MYBPC2: variants seen among roughly 807,000 people sequenced by gnomAD.
The protein encoded by MYBPC2 is myosin binding protein C2.
MYBPC2 carries 122 observed loss-of-function variants against 137.0 expected under a neutral mutation model. The ratio of observed to expected loss-of-function variants is 0.89; its 90% confidence interval spans 0.77 to 1.03. The LOEUF is 1.03. MYBPC2 is among the 50% of genes least tolerant of loss of function. The pLI, the probability that MYBPC2 is intolerant of heterozygous loss-of-function variation, is 0.00. For missense variants in MYBPC2, 1,500 were observed against 1,534.4 expected (o/e 0.98, Z 0.37); for synonymous variants, 626 against 612.3 (o/e 1.02, Z -0.33).
rs772695674 is a variant in MYBPC2 at position 50,459,082 on chromosome 19, C to G, written c.2596-29C>G. On this transcript the variant is annotated intron_variant, in intron 22 of 27. Transcript: ENST00000357701. Reference sequence around the variant, plus strand: ...CTTTTTGCGGGTGGAGCCCCGCTGACCCCACCCCGCCCCGCCCTCTCCCCG... The same window carrying G: ...CTTTTTGCGGGTGGAGCCCCGCTGAGCCCACCCCGCCCCGCCCTCTCCCCG... 1.7e-5 allele frequency: 27 copies of G among 1,551,286 alleles called. No homozygotes were observed. In the East Asian group the frequency reaches 6.6e-4, roughly 38 times the overall value.
intron 6 of MYBPC2, 53 bp downstream of exon 6, chr19:50,437,574 C>A: frequency 1.3e-6 from 2 of 1,597,454 alleles, no homozygotes; most frequent in East Asian, 4.5e-5. Context: ...GAGGCTCTCC[C>A]TTGGAAGGGG....
At chr19:50,447,131 C>A (rs1012268189) in intron 12 of MYBPC2, among the ~76,000 whole-genome samples, 1 of 152,046 alleles carries the variant, frequency 6.6e-6, no homozygotes, top group South Asian at 2.1e-4. Flanking sequence ...CCCTTGACCT[C>A]CACCCCCCAG....
chr19:50,441,238 G>A (rs557714171), intron 8 of MYBPC2, among the ~76,000 whole-genome samples, 162 bp downstream of exon 8: 5 of 152,238 alleles, frequency 3.3e-5, no homozygotes, highest in African/African-American at 1.2e-4. Context: ...CCAAATTGAG[G>A]ACTAGCTAAA....
rs377195329 is a variant in MYBPC2 at position 50,436,738 on chromosome 19, T to C, written c.463+4T>C. 9.3e-6 allele frequency: 15 copies of C among 1,613,148 alleles called. No individual in the cohort carries two copies. Among genetic ancestry groups the C allele is most frequent in the Admixed American group, 1.7e-5 (1 of 59,970 alleles). ...GGCTTCAACATCGATGTGGAGGGTA[T>C]GCTGGTGGGGGATGCGGGAGCAAAG... On this transcript the variant is annotated splice_donor_region_variant and intron_variant, in intron 5 of 27. Transcript: ENST00000357701.
Position 50,444,290 on chromosome 19 carries a change from T to TCATCCATCCATCCATC in MYBPC2, c.1133+508_1133+523dup, listed in dbSNP as rs66680495. On this transcript the variant is annotated intron_variant, in intron 11 of 27. Coordinates refer to ENST00000357701, the MANE Select transcript of MYBPC2 (RefSeq NM_004533.4). ...TCTACTTAACCATCTGTCCATCCAT[T>TCATCCATCCATCCATC]CATCCATCCATCCATCCATCCATCC... is the stretch of plus-strand genomic sequence containing the variant. Among the ~76,000 whole-genome samples, 26 of 117,900 alleles carry TCATCCATCCATCCATC rather than the reference T, an allele frequency of 2.2e-4. 1 individual carries two copies. Among genetic ancestry groups the TCATCCATCCATCCATC allele is most frequent in the African/African-American group, 6.6e-4 (24 of 36,624 alleles). The allele number at this position is 117,900 out of a possible 152,430, so 77.3% of individuals were successfully genotyped here.
chr19:50,440,889 G>A lies in MYBPC2; in HGVS notation c.582G>A (p.Val194=), dbSNP rs2039747707. The A allele has an allele frequency of 1.9e-6, 3 of 1,612,752 alleles. No individual in the cohort carries two copies. The highest frequency in any genetic ancestry group is 1.7e-5 in the Admixed American group (1 of 59,884). ...TTCCCCCACCCGCCAGGGAGGTGGT[G>A]GAGGAGGAGAAGAAGAAGAAAAAGA... ...FSGLLKKREV[V]EEEKKKKKKD... The change falls in exon 8 of 28, where the codon GTG becomes GTA. Residue 194 remains valine (V), a synonymous_variant. Transcript: ENST00000357701.
At chr19:50,440,612 G>A (rs868248751) in intron 7 of MYBPC2, among the ~76,000 whole-genome samples, 1 of 148,172 alleles carries the variant, frequency 6.7e-6, no homozygotes, top group Non-Finnish European at 1.5e-5. Flanking sequence ...GTAGTGAGCC[G>A]AGATCACGCC....
intron 23 of MYBPC2, among the ~76,000 whole-genome samples, chr19:50,459,628 G>A (rs1451171937): frequency 1.1e-5 from 1 of 89,214 alleles, no homozygotes; most frequent in East Asian, 3.8e-4. Flanking sequence ...GAGGTGAGAC[G>A]AGGGGTGGGA....
rs778840829 is a variant in MYBPC2 at position 50,436,020 on chromosome 19, G to T, written c.205G>T (p.Ala69Ser). ...DSVSVETGKD[A>S]VVVAKVNGKE... ...TCACTCACCCCATGTAGGGAAGGAC[G>T]CAGTGGTCGTGGCCAAGGTGAACGG... Residue 69 changes from alanine (A) to serine (S), a missense_variant, in exon 4 of 28, where the codon GCA becomes TCA. Ala to Ser is a moderately conservative substitution (Grantham distance 99). Transcript: ENST00000357701. 1 of 1,579,858 alleles carries T rather than the reference G, an allele frequency of 6.3e-7. No individual in the cohort carries two copies.
At chr19:50,453,878 C>T (rs775304037) in intron 16 of MYBPC2, 142 bp from the exon 17 acceptor site, 21 of 941,598 alleles carry the variant, frequency 2.2e-5, no homozygotes, top group South Asian at 3.4e-5. Context: ...ATTTGGAGGG[C>T]GAGGAGGGCA....
chr19:50,461,922 G>A lies in MYBPC2; in HGVS notation c.3114G>A (p.Glu1038=). 1.3e-6 allele frequency: 2 copies of A among 1,597,470 alleles called. No individual in the cohort carries two copies. The highest frequency in any genetic ancestry group is 1.7e-4 in the Middle Eastern group (1 of 6,052). Residue 1038 remains glutamate (E), a synonymous_variant, in exon 26 of 28, where the codon GAG becomes GAA. Transcript: ENST00000357701. ...CAGGAATCACCTTCAAACCGTTCGAGTATAAGGAGCATGACTTCCGGATGG... is the reference window on the plus strand; with the variant it reads ...CAGGAATCACCTTCAAACCGTTCGAATATAAGGAGCATGACTTCCGGATGG... ...LKTGITFKPF[E]YKEHDFRMAP...
chr19:50,456,381 C>T (rs113196456), intron 20 of MYBPC2, among the ~76,000 whole-genome samples: 1 of 18,152 alleles, frequency 5.5e-5, no homozygotes, highest in East Asian at 1.7e-3. Flanking sequence ...TCCATCTATC[C>T]ATCCATCCAT....
chr19:50,459,381 T>A, intron 23 of MYBPC2, 75 bp downstream of exon 23: 1 of 1,191,636 alleles, frequency 8.4e-7, no homozygotes, highest in Non-Finnish European at 1.1e-6. Context: ...AGGTAAGAGA[T>A]GAGGGGTGGG....
chr19:50,435,268 C>A lies in MYBPC2; in HGVS notation c.109+18C>A. On this transcript the variant is annotated intron_variant, in intron 2 of 27. Coordinates refer to ENST00000357701, the MANE Select transcript of MYBPC2 (RefSeq NM_004533.4). This position sits in a 1 kb window ranked among gnomAD's most constrained non-coding sequence, Gnocchi z 4.8. Reference sequence around the variant, plus strand: ...CCCCAAAGGTGAGGAGGTGCTCCCTCGGGCTCAACCGACCTGGCTTCTCAT... The same window carrying A: ...CCCCAAAGGTGAGGAGGTGCTCCCTAGGGCTCAACCGACCTGGCTTCTCAT... The A allele has an allele frequency of 1.1e-6, 1 of 943,044 alleles. No homozygotes were observed. Among genetic ancestry groups the A allele is most frequent in the Non-Finnish European group, 1.7e-6 (1 of 587,188 alleles). 58.4% of individuals were successfully genotyped at this position (943,044 alleles called of 1,614,324 possible).
Position 50,455,116 on chromosome 19 carries a change from G to A in MYBPC2, c.2023G>A (p.Val675Ile), listed in dbSNP as rs373621760. 4.3e-5 allele frequency: 69 copies of A among 1,612,084 alleles called. No homozygotes were observed. The highest frequency in any genetic ancestry group is 3.6e-4 in the African/African-American group (27 of 74,894). ...DGGKPVTGYLVERKKKGSQRW... is the reference protein window; with the variant it reads ...DGGKPVTGYLIERKKKGSQRW... ...CTGCTTGGAGCCTCCAGGGTACCTC[G>A]TAGAGCGGAAGAAGAAGGGCTCTCA... Residue 675 changes from valine (V) to isoleucine (I), a missense_variant, in exon 19 of 28, where the codon GTA (valine) becomes ATA (isoleucine). By Grantham distance (29) the Val-to-Ile change is conservative. Coordinates refer to ENST00000357701, the MANE Select transcript of MYBPC2 (RefSeq NM_004533.4).
At chr19:50,459,048 G>A (rs754255879) in intron 22 of MYBPC2, 42 bp downstream of exon 22, 3 of 1,570,232 alleles carry the variant, frequency 1.9e-6, no homozygotes, top group Non-Finnish European at 2.6e-6. Context: ...CGCTCTCGCC[G>A]CAAGCCCCCT....
chr19:50,461,822 T>G (rs1601298670), intron 25 of MYBPC2, 78 bp from the exon 26 acceptor site: 1 of 1,575,928 alleles, frequency 6.3e-7, no homozygotes, highest in Non-Finnish European at 8.6e-7. Context: ...GGGAGAGAGG[T>G]GATTGCGGTT....
intron 7 of MYBPC2, among the ~76,000 whole-genome samples, chr19:50,440,150 G>C (rs532347806): frequency 2.1e-4 from 32 of 152,084 alleles, no homozygotes; most frequent in African/African-American, 7.7e-4. Context: ...TTCTGAACAT[G>C]AAAGGGAGAA....
chr19:50,453,589 G>A (rs1203389165), intron 16 of MYBPC2, among the ~76,000 whole-genome samples: 1 of 151,686 alleles, frequency 6.6e-6, no homozygotes, highest in African/African-American at 2.4e-5. Flanking sequence ...TGCCCAGGCT[G>A]GAGTGCAGTG....
Sources: allele counts gnomAD v4.1 joint callset (sites outside exome capture counted in the v4.1 genomes callset), GRCh38; gene constraint gnomAD v4.1.1; non-coding constraint Gnocchi (gnomAD v3.1); transcripts MANE v1.5; gene names NCBI Gene and HGNC (gene_info 2026-07-23, HGNC 2026-07-21).